Variants in IL1RAPL2 observed in about 807,000 individuals in gnomAD.
The protein encoded by IL1RAPL2 is X-linked interleukin-1 receptor accessory protein-like 2.
Under a neutral mutation model 44.1 loss-of-function variants are expected in IL1RAPL2, and 3 were observed. That is an observed-to-expected ratio of 0.07 (90% CI 0.03 to 0.18). The LOEUF (loss-of-function observed/expected upper bound fraction) is 0.18. IL1RAPL2 is among the 10% of genes least tolerant of loss of function. IL1RAPL2 has a pLI of 1.00. For synonymous variants in IL1RAPL2, 181 were observed against 178.8 expected, an observed-to-expected ratio of 1.01 and a Z score of -0.10; for missense variants, 391 against 496.4, an observed-to-expected ratio of 0.79 and a Z score of 2.02.
At chrX:105,474,274 A>G (rs912544607) in intron 5 of IL1RAPL2, among the ~76,000 whole-genome samples, 2 of 111,710 alleles carry the variant, frequency 1.8e-5, no homozygotes, top group South Asian at 3.8e-4. Flanking sequence ...AGAAAAGGAA[A>G]AGGAATTGAT....
Position 104,847,754 on chromosome X carries a change from A to T in IL1RAPL2, c.82+188759A>T, listed in dbSNP as rs185594587. Among the ~76,000 whole-genome samples the T allele has an allele frequency of 3.6e-5, 4 of 111,612 alleles. No individual in the cohort carries two copies. The Admixed American group carries it at 3.8e-4, about 11-fold the overall frequency. On this transcript the variant is annotated intron_variant, in intron 2 of 10. Coordinates refer to ENST00000372582, the MANE Select transcript of IL1RAPL2 (RefSeq NM_017416.2). Reference sequence around the variant, plus strand: ...GAAAGTCATTGGTAGCTTGATGGGGATGGCATTGAATCTATAAATTAGCTT... The same window carrying T: ...GAAAGTCATTGGTAGCTTGATGGGGTTGGCATTGAATCTATAAATTAGCTT...
chrX:105,143,049 C>A (rs1036708952), intron 2 of IL1RAPL2, among the ~76,000 whole-genome samples: 2 of 110,898 alleles, frequency 1.8e-5, no homozygotes, highest in African/African-American at 3.3e-5. Flanking sequence ...TGGGTTGGTT[C>A]CAAGTCTTTG....
At chrX:105,535,128 A>G (rs190202305) in intron 6 of IL1RAPL2, among the ~76,000 whole-genome samples, 2 of 112,036 alleles carry the variant, frequency 1.8e-5, no homozygotes, top group East Asian at 5.6e-4. Context: ...CCCACAAAGG[A>G]CTTTATCCAG....
intron 3 of IL1RAPL2, among the ~76,000 whole-genome samples, chrX:105,207,860 C>T (rs138430639): frequency 7.4e-4 from 83 of 112,479 alleles, no homozygotes; most frequent in African/African-American, 2.6e-3. Flanking sequence ...GGAAAAGCTG[C>T]AAACACTTAA....
chrX:104,631,838 T>G (rs1427161800), intron 1 of IL1RAPL2, among the ~76,000 whole-genome samples: 18 of 110,225 alleles, frequency 1.6e-4, no homozygotes, highest in Non-Finnish European at 2.7e-4. Context: ...AGAAGCTCTT[T>G]AGTTTAATTA....
chrX:105,337,778 C>A (rs1233526475), intron 5 of IL1RAPL2, among the ~76,000 whole-genome samples: 1 of 110,564 alleles, frequency 9.0e-6, no homozygotes, highest in Non-Finnish European at 1.9e-5. Flanking sequence ...GTAGTCCCAG[C>A]TACTCGGGAG....
intron 7 of IL1RAPL2, among the ~76,000 whole-genome samples, chrX:105,732,164 T>C (rs149592928): frequency 0.015 from 1,730 of 111,839 alleles, 34 homozygotes; most frequent in African/African-American, 0.053. Flanking sequence ...ATTGCTCTTA[T>C]TATTTGTTTC....
intron 2 of IL1RAPL2, among the ~76,000 whole-genome samples, chrX:105,141,759 T>A (rs2033127517): frequency 8.9e-6 from 1 of 112,089 alleles, no homozygotes; most frequent in African/African-American, 3.2e-5. Flanking sequence ...TGAAATAAGA[T>A]CCATGGTAGC....
intron 2 of IL1RAPL2, among the ~76,000 whole-genome samples, chrX:104,980,489 A>G (rs1448298175): frequency 9.8e-5 from 11 of 112,138 alleles, no homozygotes; most frequent in African/African-American, 3.6e-4. Context: ...GCTTCTCTCT[A>G]TTTTATCTCT....
chrX:105,735,725 C>T (rs1483768218), intron 7 of IL1RAPL2, among the ~76,000 whole-genome samples: 1 of 111,351 alleles, frequency 9.0e-6, no homozygotes, highest in Non-Finnish European at 1.9e-5. Flanking sequence ...ATCGTGTCTC[C>T]TCATTTAAAT....
chrX:104,827,660 G>A (rs946483570), intron 2 of IL1RAPL2, among the ~76,000 whole-genome samples: 2 of 111,419 alleles, frequency 1.8e-5, no homozygotes, highest in Admixed American at 1.9e-4. Context: ...TCCTGAATTT[G>A]AATATTGGCC....
intron 5 of IL1RAPL2, among the ~76,000 whole-genome samples, chrX:105,403,171 T>A (rs927567997): frequency 3.6e-5 from 4 of 111,655 alleles, no homozygotes; most frequent in Admixed American, 1.9e-4. Flanking sequence ...GTTCTTCCAA[T>A]TGGCTCTGTA....
At chrX:105,214,839 C>T (rs2033839620) in intron 3 of IL1RAPL2, among the ~76,000 whole-genome samples, 1 of 112,134 alleles carries the variant, frequency 8.9e-6, no homozygotes, top group South Asian at 3.7e-4. Context: ...CGCACAACTA[C>T]ATGGAAATTG....
At chrX:105,576,090 A>G (rs923069696) in intron 6 of IL1RAPL2, among the ~76,000 whole-genome samples, 21 of 111,399 alleles carry the variant, frequency 1.9e-4, no homozygotes, top group Non-Finnish European at 1.9e-5. Context: ...CATAGTTTGC[A>G]AATATTTTAT....
At chrX:104,886,387 G>C (rs987698665) in intron 2 of IL1RAPL2, among the ~76,000 whole-genome samples, 6 of 111,745 alleles carry the variant, frequency 5.4e-5, no homozygotes, top group Admixed American at 9.5e-5. Flanking sequence ...GTCCAAATCA[G>C]GCTAAAAGAC....
At chrX:104,892,420 G>A (rs1246535985) in intron 2 of IL1RAPL2, among the ~76,000 whole-genome samples, 1 of 111,556 alleles carries the variant, frequency 9.0e-6, no homozygotes, top group Non-Finnish European at 1.9e-5. Flanking sequence ...GAATCTGTCT[G>A]CTCCTGGACT....
chrX:105,558,097 C>T (rs1431942650), intron 6 of IL1RAPL2, among the ~76,000 whole-genome samples: 1 of 110,982 alleles, frequency 9.0e-6, no homozygotes, highest in Admixed American at 9.6e-5. Flanking sequence ...TATTGAAAGA[C>T]AGTATAGTGT....
chrX:105,034,123 A>T (rs953567094), intron 2 of IL1RAPL2, among the ~76,000 whole-genome samples: 13 of 111,064 alleles, frequency 1.2e-4, no homozygotes, highest in African/African-American at 4.3e-4. Context: ...GTATCCATTC[A>T]TCTAATTTTT....
chrX:105,758,925 C>A (rs1473310162), intron 10 of IL1RAPL2, among the ~76,000 whole-genome samples: 1 of 111,923 alleles, frequency 8.9e-6, no homozygotes, highest in African/African-American at 3.2e-5. Flanking sequence ...ACCCATGCAG[C>A]TGCTGGTTTT....
Sources: allele counts gnomAD v4.1 joint callset (sites outside exome capture counted in the v4.1 genomes callset), GRCh38; gene constraint gnomAD v4.1.1; transcripts MANE v1.5; gene names NCBI Gene and HGNC (gene_info 2026-07-23, HGNC 2026-07-21).